LRP3: variants seen among roughly 807,000 people sequenced by gnomAD.
LRP3 encodes LDL receptor related protein 3.
Under a neutral mutation model 58.5 loss-of-function variants are expected in LRP3, and 49 were observed. That is an observed-to-expected ratio of 0.84 (90% CI 0.67 to 1.06). The LOEUF (loss-of-function observed/expected upper bound fraction) is 1.06, where lower values mean the gene tolerates loss of function less well. Among genes scored for constraint, LRP3 ranks in the 50% least tolerant of loss-of-function variants. LRP3 has a pLI of 0.00. For missense variants in LRP3, 1,019 were observed against 1,134.2 expected (o/e 0.90, Z 1.46); for synonymous variants, 485 against 492.2 (o/e 0.99, Z 0.20).
At chr19:33,200,723 G>A (rs1209764789) in intron 2 of LRP3, among the ~76,000 whole-genome samples, 1 of 152,226 alleles carries the variant, frequency 6.6e-6, no homozygotes, top group Non-Finnish European at 1.5e-5. Flanking sequence ...TCCTGGCTGG[G>A]AGCAGGGTGT....
chr19:33,207,276 G>A lies in LRP3; in HGVS notation c.2014G>A (p.Gly672Ser), dbSNP rs756633466. The A allele has an allele frequency of 2.8e-5, 43 of 1,556,232 alleles. No individual in the cohort carries two copies. The East Asian group carries it at 3.2e-4, about 12-fold the overall frequency. The change falls in exon 7 of 7, where the codon GGC becomes AGC. Residue 672 changes from glycine to serine, a missense_variant. Transcript: ENST00000253193. ...CGGAGACAGGCCCCCCAGTGCCCCC[G>A]GCCGTGCACCGGAGGTGGGACCTTC... Reference protein sequence around the residue: ...AAGDRPPSAPGRAPEVGPSGP... With the variant: ...AAGDRPPSAPSRAPEVGPSGP...
intron 2 of LRP3, among the ~76,000 whole-genome samples, chr19:33,198,795 T>C (rs1163882885): frequency 6.6e-6 from 1 of 152,188 alleles, no homozygotes; most frequent in Admixed American, 6.5e-5. Context: ...TTCATGCAGT[T>C]TGCAGGCAGC....
chr19:33,196,868 C>T, intron 2 of LRP3, 91 bp downstream of exon 2: 1 of 1,173,862 alleles, frequency 8.5e-7, no homozygotes, highest in Non-Finnish European at 1.3e-6. Context: ...CCTGGCACTA[C>T]CCCGAGTTCC....
chr19:33,206,304 C>T lies in LRP3; in HGVS notation c.1534C>T (p.Leu512=), dbSNP rs747822105. Reference sequence around the variant, plus strand: ...TGGCAGCCTGGTGTGTGGCCTGCTGCTGGTCATCGCGCTGGGCTGCGCCTT... The same window carrying T: ...TGGCAGCCTGGTGTGTGGCCTGCTGTTGGTCATCGCGCTGGGCTGCGCCTT... The part of the protein sequence containing the change: ...LIGSLVCGLL[L]VIALGCAFKL... Residue 512 remains leucine (L), a synonymous_variant, in exon 5 of 7, where the codon CTG becomes TTG. Coordinates refer to ENST00000253193, the MANE Select transcript of LRP3 (RefSeq NM_002333.4). 1.3e-6 allele frequency: 2 copies of T among 1,598,150 alleles called. No homozygotes were observed. The highest frequency in any genetic ancestry group is 2.2e-5 in the East Asian group (1 of 44,504).
chr19:33,195,351 G>C (rs868579310), intron 1 of LRP3, among the ~76,000 whole-genome samples: 18 of 152,290 alleles, frequency 1.2e-4, no homozygotes, highest in African/African-American at 3.8e-4. Flanking sequence ...TTTTCCCTTT[G>C]TGTCTCTCAG....
rs1242093376 is a variant in LRP3, at chr19:33,207,124, A to C, written c.1862A>C (p.Gln621Pro). The C allele has an allele frequency of 2.6e-6, 4 of 1,530,912 alleles. No homozygotes were observed. Among genetic ancestry groups the C allele is most frequent in the Admixed American group, 2.1e-5 (1 of 48,594 alleles). The allele number at this position is 1,530,912 out of a possible 1,614,324, so 94.8% of individuals were successfully genotyped here. A position where few individuals can be genotyped will look rare whatever the true frequency, so the allele number is the denominator to read the frequency against. Residue 621 changes from glutamine to proline, a missense_variant, in exon 7 of 7, where the codon CAG becomes CCG. Around this residue, in one of 2 missense-constraint regions of LRP3, gnomAD observed 427 missense variants for 408.6 expected, o/e 1.04. Transcript: ENST00000253193. Reference sequence around the variant, plus strand: ...CACCGGCCGCGGGCGCCCCGAGGCCAGATCCCACTGCTGACCGCAGCACGC... The same window carrying C: ...CACCGGCCGCGGGCGCCCCGAGGCCCGATCCCACTGCTGACCGCAGCACGC... ...LFHRPRAPRG[Q>P]IPLLTAARPS...
In LRP3 at chr19:33,206,257, A is replaced by C; in HGVS notation, c.1487A>C (p.Lys496Thr). Residue 496 changes from lysine to threonine, a missense_variant, in exon 5 of 7, where the codon AAG (lysine) becomes ACG (threonine). Lys to Thr is a moderately conservative substitution (Grantham distance 78). Around this residue, in one of 2 missense-constraint regions of LRP3, gnomAD observed 427 missense variants for 408.6 expected, o/e 1.04. Transcript: ENST00000253193. ...GGGTGCCTGGCCGCCGTGCCCCGCA[A>C]GGTCATCACGGCGGCGCTCATTGGC... ...EHGCLAAVPRKVITAALIGSL... is the reference protein window; with the variant it reads ...EHGCLAAVPRTVITAALIGSL... 6.3e-7 allele frequency: 1 copy of C among 1,598,818 alleles called. No homozygotes were observed. Among genetic ancestry groups the C allele is most frequent in the Non-Finnish European group, 8.5e-7 (1 of 1,172,948 alleles).
intron 2 of LRP3, among the ~76,000 whole-genome samples, chr19:33,202,059 C>G (rs984079740): frequency 1.3e-5 from 2 of 152,216 alleles, no homozygotes; most frequent in Non-Finnish European, 1.5e-5. Flanking sequence ...ATTCCTGACT[C>G]TGCCCCTCCC....
intron 2 of LRP3, among the ~76,000 whole-genome samples, chr19:33,198,836 A>C (rs1325971275): frequency 6.6e-6 from 1 of 151,818 alleles, no homozygotes; most frequent in Non-Finnish European, 1.5e-5. Context: ...CTGGGGTGGG[A>C]CTCCCAGCTC....
chr19:33,208,765 G>C lies in LRP3; in HGVS notation c.*1190G>C, dbSNP rs1028685135. ...CACATTTTAGGGCTTCCTTAAACAG[G>C]CTTCTGAGAGTCGTATCTTTTTTCT... is the stretch of plus-strand genomic sequence containing the variant. On this transcript the variant is annotated 3_prime_UTR_variant, in exon 7 of 7. Transcript: ENST00000253193. This position sits in a 1 kb window ranked among gnomAD's most constrained non-coding sequence, Gnocchi z 4.7. 8.6e-5 allele frequency: 114 copies of C among 1,318,986 alleles called. No homozygotes were observed. Among genetic ancestry groups the C allele is most frequent in the Non-Finnish European group, 1.2e-4 (109 of 939,462 alleles). The allele number at this position is 1,318,986 out of a possible 1,614,324, so 81.7% of individuals were successfully genotyped here.
chr19:33,199,141 T>C (rs567522802), intron 2 of LRP3, among the ~76,000 whole-genome samples: 11 of 152,110 alleles, frequency 7.2e-5, no homozygotes, highest in Admixed American at 1.3e-4. Context: ...CCCCTCCCTC[T>C]TCCCCATTAT....
intron 2 of LRP3, among the ~76,000 whole-genome samples, chr19:33,199,229 A>G (rs1974316441): frequency 6.6e-6 from 1 of 152,046 alleles, no homozygotes; most frequent in Middle Eastern, 3.4e-3. Flanking sequence ...CCTCACCTCC[A>G]TGGAGCATTC....
At position 33,206,324 on chromosome 19, in the gene LRP3, C is replaced by T. The variant is rs139510018; in HGVS notation, c.1554C>T (p.Cys518=). 3.1e-5 allele frequency: 50 copies of T among 1,599,388 alleles called. No individual in the cohort carries two copies. The highest frequency in any genetic ancestry group is 5.3e-5 in the African/African-American group (4 of 74,876). Reference sequence around the variant, plus strand: ...TGCTGCTGGTCATCGCGCTGGGCTGCGCCTTCAAGCTCTACTCACTGCGCA... The same window carrying T: ...TGCTGCTGGTCATCGCGCTGGGCTGTGCCTTCAAGCTCTACTCACTGCGCA... ...CGLLLVIALG[C]AFKLYSLRTQ... Residue 518 remains cysteine (C), a synonymous_variant, in exon 5 of 7, where the codon TGC becomes TGT. Transcript: ENST00000253193.
chr19:33,204,299 C>A, intron 3 of LRP3: 1 of 321,348 alleles, frequency 3.1e-6, no homozygotes, highest in South Asian at 4.8e-5. Flanking sequence ...GGTGTCGGGG[C>A]AGGGGGCTCT....
At chr19:33,206,444 G>T (rs753059119) in intron 5 of LRP3, 82 bp downstream of exon 5, 4 of 1,594,898 alleles carry the variant, frequency 2.5e-6, no homozygotes, top group Non-Finnish European at 3.4e-6. Context: ...GTTTGCAAAC[G>T]GGGGCCTGGA....
intron 1 of LRP3, 96 bp downstream of exon 1, chr19:33,194,954 GCCCC>G: frequency 1.8e-6 from 1 of 555,080 alleles, no homozygotes; most frequent in Non-Finnish European, 2.4e-6. Context: ...GGCATCCCGA[GCCCC>G]CCACCGCGGT....
chr19:33,203,362 G>C (rs1974364216), intron 3 of LRP3, among the ~76,000 whole-genome samples: 2 of 152,156 alleles, frequency 1.3e-5, no homozygotes, highest in African/African-American at 4.8e-5. Flanking sequence ...ATGTGTGCTT[G>C]TGTACATGGA....
rs1974267964 is a variant in LRP3, at chr19:33,194,801, G to A, written c.16G>A (p.Ala6Thr). 9.5e-7 allele frequency: 1 copy of A among 1,049,440 alleles called. No individual in the cohort carries two copies. Among genetic ancestry groups the A allele is most frequent in the Non-Finnish European group, 1.1e-6 (1 of 872,684 alleles). 65.0% of individuals were successfully genotyped at this position (1,049,440 alleles called of 1,614,324 possible). ...CGGGCCCGGCATGGAGAAGCGCGCG[G>A]CCGCGGGGCTGGAGGGCGCGCCGGG... MEKRA[A>T]AGLEGAPGAR... The change falls in exon 1 of 7, where the codon GCC (alanine) becomes ACC (threonine). Residue 6 changes from alanine (A) to threonine (T), a missense_variant. Physicochemically the swap from Ala to Thr is moderately conservative, Grantham distance 58 (BLOSUM62 0). This residue lies in a region of LRP3 where 592 missense variants were observed against 725.5 expected (regional missense o/e 0.82). Coordinates refer to ENST00000253193, the MANE Select transcript of LRP3 (RefSeq NM_002333.4).
chr19:33,200,313 C>T (rs1301902279), intron 2 of LRP3, among the ~76,000 whole-genome samples: 1 of 152,132 alleles, frequency 6.6e-6, no homozygotes, highest in Non-Finnish European at 1.5e-5. Flanking sequence ...TTCACCACAA[C>T]ATCCGCCTCC....
Sources: gnomAD v4.1 joint callset for allele counts (sites outside exome capture counted in the v4.1 genomes callset) on GRCh38, gnomAD v4.1.1 for gene constraint, gnomAD v4.1.1 regional missense constraint, Gnocchi (gnomAD v3.1) non-coding constraint, MANE v1.5 for transcripts, NCBI Gene and HGNC (gene_info 2026-07-23, HGNC 2026-07-21) for gene names.